NUDT5: variants seen among roughly 807,000 people sequenced by gnomAD.
NUDT5 encodes nudix hydrolase 5.
In NUDT5, 21 loss-of-function variants were observed where a neutral mutation model predicts 34.1. The observed-to-expected ratio is 0.62, with a 90% CI of 0.44 to 0.89. NUDT5 has a LOEUF of 0.89. NUDT5 is among the 40% of genes least tolerant of loss of function. The probability of loss-of-function intolerance (pLI) is 0.00; values close to 1 mark genes in which losing one functional copy is unlikely to be tolerated. For synonymous variants in NUDT5, 85 were observed against 97.6 expected (o/e 0.87, Z 0.76); for missense variants, 249 against 274.8 (o/e 0.91, Z 0.66).
chr10:12,180,657 G>A (rs1198323710), intron 3 of NUDT5, among the ~76,000 whole-genome samples: 1 of 152,252 alleles, frequency 6.6e-6, no homozygotes, highest in Non-Finnish European at 1.5e-5. Flanking sequence ...GGGCCTGTGA[G>A]ATGCACAGCT....
chr10:12,185,296 G>A (rs1835107436), intron 2 of NUDT5, among the ~76,000 whole-genome samples: 1 of 152,216 alleles, frequency 6.6e-6, no homozygotes, highest in African/African-American at 2.4e-5. Flanking sequence ...GGACGCTCCT[G>A]ATGGTCTGTC....
intron 1 of NUDT5, among the ~76,000 whole-genome samples, chr10:12,190,769 C>T (rs1005955538): frequency 3.3e-5 from 5 of 151,914 alleles, no homozygotes; most frequent in Admixed American, 6.6e-5. Flanking sequence ...CCACCACACC[C>T]GGCTGATTTT....
chr10:12,177,978 T>C, intron 4 of NUDT5, 78 bp from the exon 5 acceptor site: 1 of 1,005,718 alleles, frequency 9.9e-7, no homozygotes, highest in Non-Finnish European at 1.5e-6. Flanking sequence ...AGCAAGCTAA[T>C]GAAAACCCCA....
In NUDT5 at chr10:12,170,668, G is replaced by C. The variant is rs762388054; in HGVS notation, c.550+49C>G. On this transcript the variant is annotated intron_variant, in intron 9 of 9. Coordinates refer to ENST00000491614, the MANE Select transcript of NUDT5 (RefSeq NM_014142.4). This position sits in a 1 kb window ranked among gnomAD's most constrained non-coding sequence, Gnocchi z 4.9. ...ATTTAGTACCCAGTTTGCTGGGATG[G>C]GGACGGGGAGAACTGGAGAAACTGG... 1 of 1,554,876 alleles carries C rather than the reference G, an allele frequency of 6.4e-7. No homozygotes were observed. Among genetic ancestry groups the C allele is most frequent in the East Asian group, 2.2e-5 (1 of 44,598 alleles).
rs116404027 is a variant in NUDT5, at chr10:12,184,345, G to A, written c.131+544C>T. The A allele has an allele frequency of 2.3e-3, 1,387 of 600,984 alleles. 24 individuals are homozygous for A. In the African/African-American group the frequency reaches 0.023, roughly 10 times the overall value. The allele number at this position is 600,984 out of a possible 1,614,324, so 37.2% of individuals were successfully genotyped here. ...CAAAGTGCTGGAATTACAGGCGTGA[G>A]CCAACACACCTGGCCCTTAACACTT... is the stretch of plus-strand genomic sequence containing the variant. On this transcript the variant is annotated intron_variant, in intron 3 of 9. Coordinates refer to ENST00000491614, the MANE Select transcript of NUDT5 (RefSeq NM_014142.4).
At chr10:12,174,733 TGAG>T (rs1159486042) in intron 5 of NUDT5, among the ~76,000 whole-genome samples, 3 of 152,130 alleles carry the variant, frequency 2.0e-5, no homozygotes, top group Non-Finnish European at 2.9e-5. Context: ...GCAGCATCTG[TGAG>T]GAGATGTGAC....
Position 12,186,201 on chromosome 10 carries a change from G to A in NUDT5, c.63+28C>T, listed in dbSNP as rs1204147619. ...CTAAACTCAGATTTATGTGGGGGAG[G>A]GAAGGGAAAGTGAAAAACAAGTTAT... On this transcript the variant is annotated intron_variant, in intron 2 of 9. Transcript: ENST00000491614. The A allele has an allele frequency of 3.3e-6, 5 of 1,526,728 alleles. No individual in the cohort carries two copies. The East Asian group carries it at 9.0e-5, about 27-fold the overall frequency. 94.6% of individuals were successfully genotyped at this position (1,526,728 alleles called of 1,614,324 possible). A position where few individuals can be genotyped will look rare whatever the true frequency, so the allele number is the denominator to read the frequency against.
intron 1 of NUDT5, among the ~76,000 whole-genome samples, chr10:12,191,707 T>G (rs1835234072): frequency 6.6e-6 from 1 of 152,174 alleles, no homozygotes; most frequent in African/African-American, 2.4e-5. Flanking sequence ...GGAAACATAG[T>G]GAGATCCTAT....
At position 12,195,785 on chromosome 10, in the gene NUDT5, T is replaced by G. The variant is rs966771164; in HGVS notation, c.-57A>C. ...GGTTACTTACTCCAAGGTGTAGGGG[T>G]GAAGAACGGAAGAGGACGAAATAAC... is the stretch of plus-strand genomic sequence containing the variant. On this transcript the variant is annotated 5_prime_UTR_variant, in exon 1 of 10. Coordinates refer to ENST00000491614, the MANE Select transcript of NUDT5 (RefSeq NM_014142.4). 4.9e-6 allele frequency: 1 copy of G among 204,670 alleles called. No homozygotes were observed. Among genetic ancestry groups the G allele is most frequent in the Non-Finnish European group, 1.0e-5 (1 of 98,046 alleles). The allele number at this position is 204,670 out of a possible 1,614,324, so 12.7% of individuals were successfully genotyped here. A position where few individuals can be genotyped will look rare whatever the true frequency, so the allele number is the denominator to read the frequency against.
At chr10:12,190,365 T>C (rs371654669) in intron 1 of NUDT5, among the ~76,000 whole-genome samples, 1 of 152,210 alleles carries the variant, frequency 6.6e-6, no homozygotes, top group African/African-American at 2.4e-5. Context: ...GTAAGATTTT[T>C]AGACGTCTTG....
At chr10:12,177,500 T>C (rs191717235) in intron 5 of NUDT5, among the ~76,000 whole-genome samples, 29 of 152,062 alleles carry the variant, frequency 1.9e-4, no homozygotes, top group East Asian at 3.9e-4. Context: ...GCCTGGGTGA[T>C]AGAGCGAGAC....
At position 12,175,713 on chromosome 10, in the gene NUDT5, A is replaced by T. The variant is rs1834937878; in HGVS notation, c.290-1900T>A. 6.6e-6 allele frequency among the ~76,000 whole-genome samples: 1 copy of T among 152,042 alleles called. No homozygotes were observed. The highest frequency in any genetic ancestry group is 2.1e-4 in the South Asian group (1 of 4,818). On this transcript the variant is annotated intron_variant, in intron 5 of 9. Transcript: ENST00000491614. The surrounding 1 kb of genome is among the most constrained non-coding windows in gnomAD (Gnocchi z 4.8). ...TTTGGGAAGCTAAGGCGGGCAGATCACTTGAGCCAAGGAGTTAGAGATCAG... is the reference window on the plus strand; with the variant it reads ...TTTGGGAAGCTAAGGCGGGCAGATCTCTTGAGCCAAGGAGTTAGAGATCAG...
rs540351137 is a variant in NUDT5, at chr10:12,184,164, G to C, written c.131+725C>G. ...CCTCCCGGGTTCAAGCAATTCTCCTGCCTCAGCCTCCCAAGTAGCTGGGAT... is the reference window on the plus strand; with the variant it reads ...CCTCCCGGGTTCAAGCAATTCTCCTCCCTCAGCCTCCCAAGTAGCTGGGAT... On this transcript the variant is annotated intron_variant, in intron 3 of 9. Transcript: ENST00000491614. Among the ~76,000 whole-genome samples, 6 of 152,234 alleles carry C rather than the reference G, an allele frequency of 3.9e-5. No individual in the cohort carries two copies. In the South Asian group the frequency reaches 1.2e-3, roughly 32 times the overall value.
chr10:12,190,421 C>T (rs527802837), intron 1 of NUDT5, among the ~76,000 whole-genome samples: 1 of 152,034 alleles, frequency 6.6e-6, no homozygotes, highest in African/African-American at 2.4e-5. Context: ...TTCGAGAGCA[C>T]CAGCAGTGGA....
chr10:12,184,476 C>G (rs969175593), intron 3 of NUDT5: 4 of 1,548,108 alleles, frequency 2.6e-6, no homozygotes, highest in Admixed American at 4.0e-5. Context: ...TTTGCATTTC[C>G]ATGAGGCAGG....
At chr10:12,184,291 C>A (rs1293987849) in intron 3 of NUDT5, among the ~76,000 whole-genome samples, 2 of 152,076 alleles carry the variant, frequency 1.3e-5, no homozygotes, top group Admixed American at 1.3e-4. Flanking sequence ...AACCGATGCC[C>A]CCCGCCCCGG....
intron 3 of NUDT5, among the ~76,000 whole-genome samples, chr10:12,183,406 A>T (rs1835075253): frequency 6.6e-6 from 1 of 152,174 alleles, no homozygotes; most frequent in Non-Finnish European, 1.5e-5. Context: ...GCTCTCCCAC[A>T]TTAGGCCTTA....
In NUDT5 at chr10:12,187,363, G is replaced by A. The variant is rs1008722015; in HGVS notation, c.-41-1031C>T. 7.9e-5 allele frequency among the ~76,000 whole-genome samples: 12 copies of A among 152,330 alleles called. No individual in the cohort carries two copies. Among genetic ancestry groups the A allele is most frequent in the African/African-American group, 2.6e-4 (11 of 41,580 alleles). On this transcript the variant is annotated intron_variant, in intron 1 of 9. Transcript: ENST00000491614. This position sits in a 1 kb window ranked among gnomAD's most constrained non-coding sequence, Gnocchi z 5.4. ...CCCACTTACTTTTAAGTTTCAGCAT[G>A]TATCAAAGTCATAGTTGCAGAGAAA...
rs373105285 is a variant in NUDT5 at position 12,182,860 on chromosome 10, C to T, written c.131+2029G>A. ...CAAGCAATTCTCCTGTCTCAGCCTC[C>T]GGGGTAGCTGGGATTACAGGCGCAT... On this transcript the variant is annotated intron_variant, in intron 3 of 9. Coordinates refer to ENST00000491614, the MANE Select transcript of NUDT5 (RefSeq NM_014142.4). This position sits in a 1 kb window ranked among gnomAD's most constrained non-coding sequence, Gnocchi z 4.3. Among the ~76,000 whole-genome samples the T allele has an allele frequency of 1.3e-4, 20 of 152,314 alleles. No homozygotes were observed. Among genetic ancestry groups the T allele is most frequent in the African/African-American group, 4.6e-4 (19 of 41,572 alleles).
Sources: allele counts gnomAD v4.1 joint callset (sites outside exome capture counted in the v4.1 genomes callset), GRCh38; gene constraint gnomAD v4.1.1; non-coding constraint Gnocchi (gnomAD v3.1); transcripts MANE v1.5; gene names NCBI Gene and HGNC (gene_info 2026-07-23, HGNC 2026-07-21).